PDE10A: variants seen among roughly 807,000 people sequenced by gnomAD.
PDE10A encodes phosphodiesterase 10A.
PDE10A carries 39 observed loss-of-function variants against 97.7 expected under a neutral mutation model. The ratio of observed to expected loss-of-function variants is 0.40; its 90% CI spans 0.31 to 0.52. PDE10A has a LOEUF of 0.52. Among genes scored for constraint, PDE10A ranks in the 20% least tolerant of loss-of-function variants. The pLI, the probability that PDE10A is intolerant of heterozygous loss-of-function variation, is 0.56. For missense variants in PDE10A, 731 were observed against 1,047.8 expected (o/e 0.70, Z 4.17); for synonymous variants, 371 against 376.8 (o/e 0.98, Z 0.18).
intron 1 of PDE10A, among the ~76,000 whole-genome samples, chr6:165,891,230 C>A (rs897255450): frequency 6.6e-6 from 1 of 152,172 alleles, no homozygotes; most frequent in Admixed American, 6.5e-5. Flanking sequence ...TAAATGATAT[C>A]ATTCTGTATT....
intron 1 of PDE10A, among the ~76,000 whole-genome samples, chr6:165,957,283 C>A (rs1784161818): frequency 6.6e-6 from 1 of 152,150 alleles, no homozygotes; most frequent in South Asian, 2.1e-4. Context: ...GAGTTTGAGA[C>A]CAGCCTGGGC....
intron 1 of PDE10A, among the ~76,000 whole-genome samples, chr6:165,954,359 G>C (rs1413979724): frequency 6.6e-6 from 1 of 152,160 alleles, no homozygotes; most frequent in African/African-American, 2.4e-5. Flanking sequence ...ATATAAACGT[G>C]GTGGCTGCAT....
chr6:165,374,391 T>C (rs1377448044), intron 18 of PDE10A, among the ~76,000 whole-genome samples: 1 of 151,942 alleles, frequency 6.6e-6, no homozygotes, highest in Non-Finnish European at 1.5e-5. Context: ...GAAAATCTAA[T>C]GTAAAGAAAT....
chr6:165,683,952 G>C (rs1303317314), intron 1 of PDE10A, among the ~76,000 whole-genome samples: 4 of 152,086 alleles, frequency 2.6e-5, no homozygotes, highest in African/African-American at 9.7e-5. Flanking sequence ...GATATACCAG[G>C]TACTGAGACG....
intron 1 of PDE10A, among the ~76,000 whole-genome samples, chr6:165,632,200 C>CAAAAAAA (rs71552885): frequency 7.4e-5 from 5 of 67,272 alleles, no homozygotes; most frequent in African/African-American, 1.2e-4. Flanking sequence ...GAGTCCATCT[C>CAAAAAAA]AAAAAAAAAA....
intron 1 of PDE10A, among the ~76,000 whole-genome samples, chr6:165,633,765 C>A (rs1583684478): frequency 6.7e-6 from 1 of 150,164 alleles, no homozygotes; most frequent in Non-Finnish European, 1.5e-5. Context: ...GCAGCTGGGA[C>A]TACAGGTGTG....
chr6:165,702,685 A>G (rs1450376366), intron 1 of PDE10A, among the ~76,000 whole-genome samples: 1 of 152,220 alleles, frequency 6.6e-6, no homozygotes, highest in Non-Finnish European at 1.5e-5. Flanking sequence ...GCAGAAAAAG[A>G]CAAAGACCCC....
At chr6:165,610,820 C>CA (rs1787458477) in intron 1 of PDE10A, among the ~76,000 whole-genome samples, 1 of 152,114 alleles carries the variant, frequency 6.6e-6, no homozygotes, top group African/African-American at 2.4e-5. Context: ...TCACACTGCA[C>CA]AAAGAATCAG....
intron 1 of PDE10A, among the ~76,000 whole-genome samples, chr6:165,866,510 C>A (rs1297321762): frequency 6.6e-6 from 1 of 151,694 alleles, no homozygotes; most frequent in Non-Finnish European, 1.5e-5. Context: ...ACTTATGAAC[C>A]AATTTTCAAG....
At chr6:165,881,960 A>G (rs1781492079) in intron 1 of PDE10A, among the ~76,000 whole-genome samples, 1 of 152,202 alleles carries the variant, frequency 6.6e-6, no homozygotes, top group African/African-American at 2.4e-5. Context: ...GGTTTAATGA[A>G]TGATTCACGT....
At position 165,574,639 on chromosome 6, in the gene PDE10A, A is replaced by C. The variant is rs1316862094; in HGVS notation, c.866-31071T>G. 2.6e-5 allele frequency among the ~76,000 whole-genome samples: 4 copies of C among 152,230 alleles called. No individual in the cohort carries two copies. The East Asian group carries it at 7.7e-4, about 29-fold the overall frequency. On this transcript the variant is annotated intron_variant, in intron 1 of 21. Coordinates refer to ENST00000539869, the MANE Select transcript of PDE10A (RefSeq NM_001385079.1). ...TCTTGTCGATGTAATCAACACGTAC[A>C]TTCTGAATAACAAAAATAAGAGTTT...
At chr6:165,358,611 G>A (rs73028262) in intron 18 of PDE10A, among the ~76,000 whole-genome samples, 4,975 of 151,432 alleles carry the variant, frequency 0.033, 116 homozygotes, top group Middle Eastern at 0.058. Context: ...CATGGAACTC[G>A]GTCTTGCTAT....
rs1469751510 is a variant in PDE10A, at chr6:165,418,463, G to A, written c.1796+172C>T. Among the ~76,000 whole-genome samples, 1 of 152,202 alleles carries A rather than the reference G, an allele frequency of 6.6e-6. No individual in the cohort carries two copies. The highest frequency in any genetic ancestry group is 1.5e-5 in the Non-Finnish European group (1 of 68,042). ...TCCTAGGCGCGGTTTCTCGGGCACT[G>A]CCTGCAATGTCATTCCCAGAAGTAC... On this transcript the variant is annotated intron_variant, in intron 11 of 21. Coordinates refer to ENST00000539869, the MANE Select transcript of PDE10A (RefSeq NM_001385079.1). The surrounding 1 kb of genome is among the most constrained non-coding windows in gnomAD (Gnocchi z 4.8).
intron 1 of PDE10A, among the ~76,000 whole-genome samples, chr6:165,687,617 G>A (rs1241440026): frequency 6.6e-6 from 1 of 152,110 alleles, no homozygotes; most frequent in East Asian, 1.9e-4. Context: ...CACACAATAC[G>A]AAGACCAACT....
At chr6:165,939,603 C>G (rs887338574) in intron 1 of PDE10A, 1 of 152,186 alleles carries the variant, frequency 6.6e-6, no homozygotes, top group Non-Finnish European at 1.5e-5. Context: ...ATGAATATGA[C>G]TTGGGTTCTT....
intron 18 of PDE10A, among the ~76,000 whole-genome samples, chr6:165,362,293 A>G (rs1421013975): frequency 6.6e-6 from 1 of 152,160 alleles, no homozygotes; most frequent in Non-Finnish European, 1.5e-5. Context: ...CTTTTAAGCT[A>G]GACTGACCAA....
At chr6:165,477,991 G>C (rs1054186830) in intron 3 of PDE10A, among the ~76,000 whole-genome samples, 2 of 152,102 alleles carry the variant, frequency 1.3e-5, no homozygotes, top group African/African-American at 4.8e-5. Flanking sequence ...TTTCTCCACA[G>C]ACAAGCTCTC....
chr6:165,460,359 C>T (rs1361389241), intron 3 of PDE10A, among the ~76,000 whole-genome samples: 2 of 152,082 alleles, frequency 1.3e-5, no homozygotes, highest in Non-Finnish European at 2.9e-5. Context: ...AAAGCAGAGC[C>T]AGGGAAGCAC....
chr6:165,797,901 G>A (rs1778871815), intron 1 of PDE10A, among the ~76,000 whole-genome samples: 2 of 152,012 alleles, frequency 1.3e-5, no homozygotes, highest in African/African-American at 2.4e-5. Context: ...TTGTTGTTTT[G>A]TTTTCTCTAC....
Sources: allele counts gnomAD v4.1 joint callset (sites outside exome capture counted in the v4.1 genomes callset), GRCh38; gene constraint gnomAD v4.1.1; non-coding constraint Gnocchi (gnomAD v3.1); transcripts MANE v1.5; gene names NCBI Gene and HGNC (gene_info 2026-07-23, HGNC 2026-07-21).